The following LHFPL6 variants were observed in gnomAD, a reference collection of about 807,000 sequenced individuals.
The protein encoded by LHFPL6 is LHFPL tetraspan subfamily member 6 protein.
Under a neutral mutation model 20.6 loss-of-function variants are expected in LHFPL6, and 9 were observed. The observed-to-expected ratio is 0.44, with a 90% CI of 0.26 to 0.76. The LOEUF is 0.76. LHFPL6 is among the 30% of genes least tolerant of loss of function. The probability of loss-of-function intolerance (pLI) is 0.20; values close to 1 mark genes in which losing one functional copy is unlikely to be tolerated. For missense variants in LHFPL6, 218 were observed against 253.5 expected (o/e 0.86, Z 0.95); for synonymous variants, 105 against 98.7 (o/e 1.06, Z -0.38).
At chr13:39,561,113 T>C (rs1442955121) in intron 2 of LHFPL6, among the ~76,000 whole-genome samples, 1 of 151,872 alleles carries the variant, frequency 6.6e-6, no homozygotes, top group Non-Finnish European at 1.5e-5. Context: ...TTCTGCTTGG[T>C]AAATTGACTC....
At chr13:39,558,535 A>G (rs1047988099) in intron 2 of LHFPL6, among the ~76,000 whole-genome samples, 1 of 152,218 alleles carries the variant, frequency 6.6e-6, no homozygotes, top group Non-Finnish European at 1.5e-5. Flanking sequence ...TTTTTCACCA[A>G]TAGAACTTGC....
chr13:39,574,908 C>A (rs1366502280), intron 2 of LHFPL6, among the ~76,000 whole-genome samples: 2 of 152,156 alleles, frequency 1.3e-5, no homozygotes, highest in East Asian at 3.9e-4. Flanking sequence ...CCTGTCTCTA[C>A]TAAAAATCAA....
At chr13:39,596,668 AG>A (rs886973443) in intron 2 of LHFPL6, among the ~76,000 whole-genome samples, 1 of 142,110 alleles carries the variant, frequency 7.0e-6, no homozygotes, top group African/African-American at 2.6e-5. Flanking sequence ...AAAAAAAAAA[AG>A]AGCCCTGCCT....
At chr13:39,462,310 G>A (rs963440532) in intron 2 of LHFPL6, among the ~76,000 whole-genome samples, 11 of 152,140 alleles carry the variant, frequency 7.2e-5, no homozygotes, top group African/African-American at 2.7e-4. Flanking sequence ...GTTACAGCCA[G>A]CCTTGCTCCT....
intron 3 of LHFPL6, among the ~76,000 whole-genome samples, chr13:39,373,283 C>T (rs1870205523): frequency 1.3e-5 from 2 of 152,268 alleles, no homozygotes; most frequent in Non-Finnish European, 2.9e-5. Context: ...GTTTCTCTGC[C>T]CACTCCTCTG....
Position 39,432,812 on chromosome 13 carries a change from A to G in LHFPL6, c.386-54286T>C, listed in dbSNP as rs370034352. Among the ~76,000 whole-genome samples the G allele has an allele frequency of 1.2e-3, 189 of 152,366 alleles. 6 individuals carry two copies. In the South Asian group the frequency reaches 0.037, roughly 30 times the overall value. ...TTCTGTAGGACCTAGAACACTGCCT[A>G]CCACATAATAAGTAGCCAATACATG... is the stretch of plus-strand genomic sequence containing the variant. On this transcript the variant is annotated intron_variant, in intron 2 of 3. Transcript: ENST00000379589.
chr13:39,550,872 T>C (rs575264761), intron 2 of LHFPL6, among the ~76,000 whole-genome samples: 3 of 152,278 alleles, frequency 2.0e-5, no homozygotes, highest in African/African-American at 4.8e-5. Context: ...GTTTTTCTAC[T>C]AGGAAAGTTG....
intron 3 of LHFPL6, among the ~76,000 whole-genome samples, chr13:39,346,059 T>C (rs1017718259): frequency 2.6e-5 from 4 of 152,212 alleles, no homozygotes; most frequent in Non-Finnish European, 4.4e-5. Context: ...AATTAATAAC[T>C]TCCCTGCTGA....
rs757231200 is a variant in LHFPL6, at chr13:39,562,445, TAC to T, written c.385+38385_385+38386del. ...ATACATATATACATATATACATATA[TAC>T]ACATATATACATATATACACATATA... is the stretch of plus-strand genomic sequence containing the variant. On this transcript the variant is annotated intron_variant, in intron 2 of 3. Transcript: ENST00000379589. Among the ~76,000 whole-genome samples, 353 of 85,390 alleles carry T rather than the reference TAC, an allele frequency of 4.1e-3. 1 individual carries two copies. Among genetic ancestry groups the T allele is most frequent in the Middle Eastern group, 0.015 (3 of 194 alleles). 56.0% of individuals were successfully genotyped at this position (85,390 alleles called of 152,430 possible). A position where few individuals can be genotyped will look rare whatever the true frequency, so the allele number is the denominator to read the frequency against.
At chr13:39,412,162 C>T (rs899100572) in intron 2 of LHFPL6, among the ~76,000 whole-genome samples, 2 of 152,126 alleles carry the variant, frequency 1.3e-5, no homozygotes, top group African/African-American at 4.8e-5. Context: ...TACCATGGTC[C>T]CACCTACCTA....
At chr13:39,596,336 A>G (rs997862510) in intron 2 of LHFPL6, among the ~76,000 whole-genome samples, 1 of 152,166 alleles carries the variant, frequency 6.6e-6, no homozygotes, top group African/African-American at 2.4e-5. Flanking sequence ...AAAGTAAGCC[A>G]TCTACCAGAA....
intron 2 of LHFPL6, among the ~76,000 whole-genome samples, chr13:39,545,806 C>T (rs1870963952): frequency 1.3e-5 from 2 of 151,986 alleles, no homozygotes; most frequent in South Asian, 2.1e-4. Context: ...CAAGGTGGCT[C>T]ACACCTGTAA....
intron 2 of LHFPL6, among the ~76,000 whole-genome samples, chr13:39,398,707 C>T (rs956051818): frequency 2.6e-5 from 4 of 152,196 alleles, no homozygotes; most frequent in Admixed American, 6.5e-5. Context: ...GGAACAGGGC[C>T]GCAGAGCAGG....
intron 2 of LHFPL6, among the ~76,000 whole-genome samples, chr13:39,427,093 T>C (rs1191619279): frequency 6.6e-6 from 1 of 152,106 alleles, no homozygotes; most frequent in African/African-American, 2.4e-5. Context: ...ATGTGCTTGT[T>C]GATAATATAT....
chr13:39,404,525 T>G (rs1593299892), intron 2 of LHFPL6, among the ~76,000 whole-genome samples: 2 of 152,298 alleles, frequency 1.3e-5, no homozygotes, highest in South Asian at 4.1e-4. Flanking sequence ...CCTATACAAA[T>G]TAAATAATAA....
At chr13:39,458,740 C>A (rs2138426872) in intron 2 of LHFPL6, among the ~76,000 whole-genome samples, 2 of 134,956 alleles carry the variant, frequency 1.5e-5, no homozygotes, top group Non-Finnish European at 3.2e-5. Context: ...ACACCAGGTA[C>A]AATGGGTGGA....
Position 39,586,589 on chromosome 13 carries a change from A to C in LHFPL6, c.385+14243T>G, listed in dbSNP as rs73468851. Among the ~76,000 whole-genome samples the C allele has an allele frequency of 4.3e-3, 658 of 152,340 alleles. 7 individuals carry two copies. The highest frequency in any genetic ancestry group is 0.015 in the African/African-American group (631 of 41,578). On this transcript the variant is annotated intron_variant, in intron 2 of 3. Coordinates refer to ENST00000379589, the MANE Select transcript of LHFPL6 (RefSeq NM_005780.3). The stretch of plus-strand genomic sequence containing the variant: ...TAAACAGAGATATAAAATTACTGAG[A>C]TATTCATTCATTCATCTATTCATCT...
At chr13:39,419,408 C>G (rs1593305899) in intron 2 of LHFPL6, among the ~76,000 whole-genome samples, 1 of 152,190 alleles carries the variant, frequency 6.6e-6, no homozygotes, top group Non-Finnish European at 1.5e-5. Flanking sequence ...TTCCAGCCAG[C>G]TTTGGATGAA....
intron 2 of LHFPL6, among the ~76,000 whole-genome samples, chr13:39,581,592 T>C (rs936906783): frequency 1.3e-4 from 8 of 62,348 alleles, no homozygotes; most frequent in Non-Finnish European, 2.3e-4. Flanking sequence ...ACAATCTCTC[T>C]CTCTCTTTTT....
Sources: allele counts gnomAD v4.1 joint callset (sites outside exome capture counted in the v4.1 genomes callset), GRCh38; gene constraint gnomAD v4.1.1; transcripts MANE v1.5; gene names NCBI Gene and HGNC (gene_info 2026-07-23, HGNC 2026-07-21).